Variants in PGS1 observed in about 807,000 individuals in gnomAD.
The protein encoded by PGS1 is CDP-diacylglycerol--glycerol-3-phosphate 3-phosphatidyltransferase, mitochondrial.
Under a neutral mutation model 58.3 loss-of-function variants are expected in PGS1, and 44 were observed. The observed-to-expected ratio is 0.75, with a 90% CI of 0.59 to 0.97. The LOEUF (loss-of-function observed/expected upper bound fraction) is 0.97, where lower values mean the gene tolerates loss of function less well. Ranked by LOEUF, PGS1 falls within the 50% of genes least tolerant of loss-of-function variation. The pLI, the probability that PGS1 is intolerant of heterozygous loss-of-function variation, is 0.00. For synonymous variants in PGS1, 330 were observed against 311.0 expected (o/e 1.06, Z -0.64); for missense variants, 684 against 731.1 (o/e 0.94, Z 0.74).
chr17:78,388,542 T>G (rs777645454), intron 1 of PGS1, among the ~76,000 whole-genome samples: 1 of 152,026 alleles, frequency 6.6e-6, no homozygotes, highest in Non-Finnish European at 1.5e-5. Context: ...GACAGGGTCT[T>G]GCTATGTTGC....
At chr17:78,390,935 A>C (rs1216823901) in intron 1 of PGS1, among the ~76,000 whole-genome samples, 1 of 151,432 alleles carries the variant, frequency 6.6e-6, no homozygotes, top group Admixed American at 6.6e-5. Context: ...ATGGCTCATC[A>C]TCACTCTTTT....
chr17:78,408,788 G>T (rs1241710401), intron 7 of PGS1, among the ~76,000 whole-genome samples: 1 of 152,248 alleles, frequency 6.6e-6, no homozygotes, highest in Admixed American at 6.5e-5. Flanking sequence ...ATTCATGGTT[G>T]TCAGTTTCCT....
chr17:78,383,372 A>G (rs926237993), intron 1 of PGS1, among the ~76,000 whole-genome samples: 1 of 151,982 alleles, frequency 6.6e-6, no homozygotes, highest in Non-Finnish European at 1.5e-5. Flanking sequence ...GATTACAGGC[A>G]TGTGCCACCA....
intron 7 of PGS1, among the ~76,000 whole-genome samples, chr17:78,412,549 G>A (rs371167466): frequency 2.2e-4 from 34 of 152,292 alleles, no homozygotes; most frequent in African/African-American, 7.7e-4. Flanking sequence ...CTGGCCTCTA[G>A]GTGGCCTCAT....
chr17:78,417,357 G>A (rs2085280654), intron 8 of PGS1, among the ~76,000 whole-genome samples: 1 of 152,204 alleles, frequency 6.6e-6, no homozygotes, highest in Admixed American at 6.5e-5. Context: ...CAGGGATTGG[G>A]ACCTCAGCAG....
At chr17:78,404,214 C>T in intron 7 of PGS1, 125 bp downstream of exon 7, 1 of 1,060,570 alleles carries the variant, frequency 9.4e-7, no homozygotes, top group South Asian at 1.7e-5. Flanking sequence ...TCCCAGCAGC[C>T]CTTGCAGGCA....
In PGS1 at chr17:78,424,122, G is replaced by C. The variant is rs374179775; in HGVS notation, c.*72G>C. Reference sequence around the variant, plus strand: ...TCAGCTCTTTCAGCCGCGCTTCAGCGATGACTCCAGTCTGGGTGTCCCAGC... The same window carrying C: ...TCAGCTCTTTCAGCCGCGCTTCAGCCATGACTCCAGTCTGGGTGTCCCAGC... On this transcript the variant is annotated 3_prime_UTR_variant, in exon 10 of 10. Transcript: ENST00000262764. 10 of 1,613,158 alleles carry C rather than the reference G, an allele frequency of 6.2e-6. No individual in the cohort carries two copies. In the East Asian group the frequency reaches 2.0e-4, roughly 32 times the overall value.
intron 7 of PGS1, among the ~76,000 whole-genome samples, chr17:78,406,653 C>T (rs918166578): frequency 1.4e-4 from 22 of 152,160 alleles, no homozygotes; most frequent in African/African-American, 5.3e-4. Context: ...CAGCCCGTGG[C>T]GGGTGTGGAA....
At chr17:78,420,335 C>T in intron 9 of PGS1, 1 of 605,332 alleles carries the variant, frequency 1.7e-6, no homozygotes, top group Non-Finnish European at 2.1e-6. Flanking sequence ...TACCCCTGGA[C>T]TGTCTTGACG....
chr17:78,424,110 C>G lies in PGS1; in HGVS notation c.*60C>G. ...GCATGGCCGGGGTCAGCTCTTTCAG[C>G]CGCGCTTCAGCGATGACTCCAGTCT... On this transcript the variant is annotated 3_prime_UTR_variant, in exon 10 of 10. Transcript: ENST00000262764. 6.2e-7 allele frequency: 1 copy of G among 1,613,662 alleles called. No individual in the cohort carries two copies. Among genetic ancestry groups the G allele is most frequent in the Non-Finnish European group, 8.5e-7 (1 of 1,179,866 alleles).
intron 1 of PGS1, among the ~76,000 whole-genome samples, chr17:78,380,670 C>T (rs1025874271): frequency 6.6e-6 from 1 of 152,166 alleles, no homozygotes; most frequent in Non-Finnish European, 1.5e-5. Flanking sequence ...ATGTTCTACC[C>T]TTGAAGACAA....
chr17:78,384,156 C>G (rs958449968), intron 1 of PGS1, among the ~76,000 whole-genome samples: 5 of 152,144 alleles, frequency 3.3e-5, no homozygotes, highest in African/African-American at 1.2e-4. Flanking sequence ...TTGGCTAAGC[C>G]AAGGGGAGAG....
At chr17:78,405,851 G>T (rs1331662616) in intron 7 of PGS1, among the ~76,000 whole-genome samples, 2 of 152,212 alleles carry the variant, frequency 1.3e-5, no homozygotes, top group African/African-American at 4.8e-5. Flanking sequence ...GTGGCTTTCG[G>T]AAGAGCTGAG....
At chr17:78,403,501 C>G in intron 6 of PGS1, 67 bp from the exon 7 acceptor site, 1 of 1,516,554 alleles carries the variant, frequency 6.6e-7, no homozygotes, top group South Asian at 1.2e-5. Context: ...TGCCCTGTCC[C>G]CTGAGCTGGG....
rs190724482 is a variant in PGS1, at chr17:78,394,003, G to A, written c.333+1338G>A. 3.9e-4 allele frequency among the ~76,000 whole-genome samples: 59 copies of A among 151,820 alleles called. No homozygotes were observed. The East Asian group carries it at 7.0e-3, about 18-fold the overall frequency. On this transcript the variant is annotated intron_variant, in intron 2 of 9. Transcript: ENST00000262764. Reference sequence around the variant, plus strand: ...GTTCGAGAACAGCCTCGTCAACGTGGTGAAACCCTGTCTCTACCAAAAATA... The same window carrying A: ...GTTCGAGAACAGCCTCGTCAACGTGATGAAACCCTGTCTCTACCAAAAATA...
intron 7 of PGS1, among the ~76,000 whole-genome samples, chr17:78,404,903 A>T (rs1301437266): frequency 6.6e-6 from 1 of 151,534 alleles, no homozygotes. Context: ...GAGGTGATCC[A>T]CCTGCCTTGG....
At chr17:78,404,185 T>C in intron 7 of PGS1, 96 bp downstream of exon 7, 2 of 1,322,254 alleles carry the variant, frequency 1.5e-6, no homozygotes, top group South Asian at 1.5e-5. Context: ...TAGAGTGCTG[T>C]ACTTCTCCCT....
chr17:78,394,165 C>CT (rs1228864190), intron 2 of PGS1, among the ~76,000 whole-genome samples: 2 of 46,298 alleles, frequency 4.3e-5, no homozygotes, highest in African/African-American at 9.4e-5. Context: ...GAGCGAGACT[C>CT]TATCTCCCAA....
intron 1 of PGS1, among the ~76,000 whole-genome samples, chr17:78,386,263 T>G (rs1211060130): frequency 6.6e-6 from 1 of 152,104 alleles, no homozygotes; most frequent in Non-Finnish European, 1.5e-5. Flanking sequence ...TTTGTTTTGG[T>G]TGTTGCTGAG....
Sources: allele counts gnomAD v4.1 joint callset (sites outside exome capture counted in the v4.1 genomes callset), GRCh38; gene constraint gnomAD v4.1.1; transcripts MANE v1.5; gene names NCBI Gene and HGNC (gene_info 2026-07-23, HGNC 2026-07-21).